MAST4: variants seen among roughly 807,000 people sequenced by gnomAD.
The protein encoded by MAST4 is microtubule-associated serine/threonine-protein kinase 4.
A neutral mutation model predicts 162.7 loss-of-function variants in MAST4; 89 were observed. That is an observed-to-expected ratio of 0.55 (90% CI 0.46 to 0.65). The LOEUF (loss-of-function observed/expected upper bound fraction) is 0.65. Ranked by LOEUF, MAST4 falls within the 30% of genes least tolerant of loss-of-function variation. The pLI, the probability that MAST4 is intolerant of heterozygous loss-of-function variation, is 0.00. For missense variants in MAST4, 3,153 were observed against 3,374.0 expected (o/e 0.93, Z 1.62); for synonymous variants, 1,479 against 1,361.1 (o/e 1.09, Z -1.91).
chr5:66,730,771 G>A (rs1751796118), intron 1 of MAST4, among the ~76,000 whole-genome samples: 1 of 145,974 alleles, frequency 6.9e-6, no homozygotes, highest in Non-Finnish European at 1.5e-5. Context: ...GTGTGTGTGT[G>A]TGTGTGTTTC....
In MAST4 at chr5:67,166,956, C is replaced by T. The variant is rs1774102519; in HGVS notation, c.7777C>T (p.Arg2593Cys). Residue 2593 changes from arginine to cysteine, a missense_variant, in exon 29 of 29, where the codon CGC (arginine) becomes TGC (cysteine). Coordinates refer to ENST00000403625, the MANE Select transcript of MAST4 (RefSeq NM_001164664.2). ...TKPSPAPNTDRPISLSNEKDF... is the reference protein window; with the variant it reads ...TKPSPAPNTDCPISLSNEKDF... ...GCCATCCCCAGCCCCAAACACTGAC[C>T]GCCCCATCTCTCTTTCTAATGAGAA... 2 of 1,612,488 alleles carry T rather than the reference C, an allele frequency of 1.2e-6. No homozygotes were observed. Among genetic ancestry groups the T allele is most frequent in the East Asian group, 2.2e-5 (1 of 44,870 alleles).
chr5:66,793,358 C>A (rs1205449139), intron 3 of MAST4, among the ~76,000 whole-genome samples: 1 of 152,184 alleles, frequency 6.6e-6, no homozygotes, highest in East Asian at 1.9e-4. Flanking sequence ...ACTTCATATA[C>A]ATTAATCTGA....
At chr5:66,882,428 T>G (rs1315788565) in intron 3 of MAST4, among the ~76,000 whole-genome samples, 1 of 152,220 alleles carries the variant, frequency 6.6e-6, no homozygotes, top group Non-Finnish European at 1.5e-5. Flanking sequence ...TTGTTTTGTT[T>G]TTGCTTTTTT....
intron 7 of MAST4, among the ~76,000 whole-genome samples, chr5:67,099,219 T>A (rs1237480716): frequency 6.6e-6 from 1 of 152,098 alleles, no homozygotes; most frequent in Non-Finnish European, 1.5e-5. Context: ...TCATGTGTTT[T>A]ATTTCTTTTT....
chr5:66,975,954 C>T lies in MAST4; in HGVS notation c.674+75972C>T, dbSNP rs566675189. On this transcript the variant is annotated intron_variant, in intron 4 of 28. Coordinates refer to ENST00000403625, the MANE Select transcript of MAST4 (RefSeq NM_001164664.2). ...ATGAGGTTGCAGTGAGCCAAGATTG[C>T]ACCACTGCACTCCAGCCAGGGTGAC... 2.0e-5 allele frequency among the ~76,000 whole-genome samples: 3 copies of T among 152,204 alleles called. No homozygotes were observed. In the South Asian group the frequency reaches 6.2e-4, roughly 32 times the overall value.
At chr5:66,818,623 A>G (rs1322410919) in intron 3 of MAST4, among the ~76,000 whole-genome samples, 3 of 152,006 alleles carry the variant, frequency 2.0e-5, no homozygotes, top group African/African-American at 4.8e-5. Context: ...CACTATATGC[A>G]TATGTATGTG....
At chr5:67,045,169 T>G (rs1343968581) in intron 4 of MAST4, among the ~76,000 whole-genome samples, 1 of 152,238 alleles carries the variant, frequency 6.6e-6, no homozygotes, top group Admixed American at 6.5e-5. Context: ...CAACTAATCT[T>G]TTTTCTATGT....
At chr5:66,785,369 T>C (rs1465045613) in intron 2 of MAST4, among the ~76,000 whole-genome samples, 1 of 152,254 alleles carries the variant, frequency 6.6e-6, no homozygotes, top group Non-Finnish European at 1.5e-5. Flanking sequence ...TTGTGATTTT[T>C]GTATAAATAT....
At chr5:67,078,879 A>ATTTATATAAAT (rs1561621541) in intron 5 of MAST4, among the ~76,000 whole-genome samples, 2 of 87,590 alleles carry the variant, frequency 2.3e-5, no homozygotes, top group African/African-American at 9.6e-5. Context: ...TATTTATATA[A>ATTTATATAAAT]ATATATTTAT....
intron 4 of MAST4, among the ~76,000 whole-genome samples, chr5:66,904,102 A>G (rs562725302): frequency 3.9e-4 from 60 of 152,224 alleles, no homozygotes; most frequent in Middle Eastern, 3.4e-3. Flanking sequence ...TTTCACCCAT[A>G]TTTTGAATGT....
intron 3 of MAST4, among the ~76,000 whole-genome samples, chr5:66,888,308 T>C (rs1762169320): frequency 6.6e-6 from 1 of 152,178 alleles, no homozygotes; most frequent in African/African-American, 2.4e-5. Flanking sequence ...TGCATTTAGA[T>C]GGAGAGGAAT....
chr5:67,018,906 CA>C (rs926295181), intron 4 of MAST4, among the ~76,000 whole-genome samples: 48 of 151,982 alleles, frequency 3.2e-4, no homozygotes, highest in African/African-American at 1.0e-3. Flanking sequence ...TGGCTCAAGA[CA>C]AAAAAATGGG....
intron 3 of MAST4, among the ~76,000 whole-genome samples, chr5:66,800,191 G>A (rs909790037): frequency 2.0e-5 from 3 of 152,224 alleles, no homozygotes; most frequent in African/African-American, 4.8e-5. Context: ...TCAGACATAA[G>A]GCTTGTTTGA....
intron 5 of MAST4, among the ~76,000 whole-genome samples, chr5:67,085,416 A>T (rs938833777): frequency 8.5e-5 from 13 of 152,164 alleles, no homozygotes; most frequent in Non-Finnish European, 1.5e-5. Context: ...CTCTTTCTAA[A>T]ACGTAAATAA....
At chr5:66,755,211 C>T (rs1435452429) in intron 1 of MAST4, among the ~76,000 whole-genome samples, 2 of 152,110 alleles carry the variant, frequency 1.3e-5, no homozygotes, top group Non-Finnish European at 2.9e-5. Flanking sequence ...GAAGTTGAGC[C>T]TGGAGGATTT....
At chr5:66,673,640 A>T (rs575633997) in intron 1 of MAST4, among the ~76,000 whole-genome samples, 1 of 150,624 alleles carries the variant, frequency 6.6e-6, no homozygotes, top group East Asian at 2.0e-4. Context: ...GATCACAGGC[A>T]CGTGCTGCCA....
chr5:66,687,578 A>ATG (rs1294115519), intron 1 of MAST4, among the ~76,000 whole-genome samples: 6 of 150,772 alleles, frequency 4.0e-5, no homozygotes, highest in Admixed American at 1.3e-4. Context: ...ACACATGTAT[A>ATG]TGTGTATATA....
chr5:66,983,296 T>C lies in MAST4; in HGVS notation c.675-71108T>C, dbSNP rs576814246. Among the ~76,000 whole-genome samples the C allele has an allele frequency of 4.6e-5, 7 of 152,324 alleles. No individual in the cohort carries two copies. The South Asian group carries it at 1.5e-3, about 32-fold the overall frequency. ...GAGACAATAGTTAATGTCACTTATT[T>C]CTGAGGAGCTGCTTTTCCATGATGA... On this transcript the variant is annotated intron_variant, in intron 4 of 28. Coordinates refer to ENST00000403625, the MANE Select transcript of MAST4 (RefSeq NM_001164664.2).
chr5:66,898,587 G>A (rs1762827066), intron 3 of MAST4, among the ~76,000 whole-genome samples: 1 of 151,934 alleles, frequency 6.6e-6, no homozygotes, highest in African/African-American at 2.4e-5. Flanking sequence ...AGCTAATCAA[G>A]GATTAAAGAA....
Sources: gnomAD v4.1 joint callset for allele counts (sites outside exome capture counted in the v4.1 genomes callset) on GRCh38, gnomAD v4.1.1 for gene constraint, MANE v1.5 for transcripts, NCBI Gene and HGNC (gene_info 2026-07-23, HGNC 2026-07-21) for gene names.